SNX29: variants seen among roughly 807,000 people sequenced by gnomAD.
SNX29 encodes the protein sorting nexin-29.
SNX29 carries 78 observed loss-of-function variants against 102.1 expected under a neutral mutation model. The ratio of observed to expected loss-of-function variants is 0.76; its 90% CI spans 0.64 to 0.92. The LOEUF is 0.92. Among genes scored for constraint, SNX29 ranks in the 40% least tolerant of loss-of-function variants. The probability of loss-of-function intolerance (pLI) is 0.00; values close to 1 mark genes in which losing one functional copy is unlikely to be tolerated. For synonymous variants in SNX29, 580 were observed against 414.5 expected, an observed-to-expected ratio of 1.40 and a Z score of -4.85; for missense variants, 1,280 against 1,061.7, an observed-to-expected ratio of 1.21 and a Z score of -2.86.
At chr16:12,002,667 G>A (rs2056328802) in intron 2 of SNX29, among the ~76,000 whole-genome samples, 1 of 152,238 alleles carries the variant, frequency 6.6e-6, no homozygotes. Context: ...TAGACAGTCA[G>A]CTGCCGACAG....
chr16:12,141,510 C>A (rs1277864227), intron 13 of SNX29, among the ~76,000 whole-genome samples: 2 of 152,252 alleles, frequency 1.3e-5, no homozygotes, highest in Non-Finnish European at 2.9e-5. Flanking sequence ...AGAGCAGCGG[C>A]ATGGACCAAC....
chr16:12,048,662 G>A, intron 7 of SNX29, 42 bp downstream of exon 7: 1 of 1,613,892 alleles, frequency 6.2e-7, no homozygotes, highest in Non-Finnish European at 8.5e-7. Context: ...GAGGGAATCA[G>A]AATGTGGCGG....
At chr16:12,567,017 G>C (rs918376159) in intron 20 of SNX29, among the ~76,000 whole-genome samples, 1 of 152,232 alleles carries the variant, frequency 6.6e-6, no homozygotes, top group Non-Finnish European at 1.5e-5. Context: ...GTAGATCATT[G>C]TGAAGAGATT....
chr16:12,029,375 G>A (rs554220704), intron 4 of SNX29, among the ~76,000 whole-genome samples: 2 of 152,242 alleles, frequency 1.3e-5, no homozygotes, highest in South Asian at 4.2e-4. Context: ...TACAGGGAAA[G>A]TGATTAATTT....
chr16:12,500,340 C>G (rs2089054087), intron 19 of SNX29, among the ~76,000 whole-genome samples: 1 of 152,296 alleles, frequency 6.6e-6, no homozygotes, highest in Admixed American at 6.5e-5. Flanking sequence ...ATGGAGCTTG[C>G]CTGCAGACCA....
intron 15 of SNX29, among the ~76,000 whole-genome samples, chr16:12,352,105 T>G (rs1007583192): frequency 6.6e-6 from 1 of 152,150 alleles, no homozygotes; most frequent in Non-Finnish European, 1.5e-5. Context: ...TTGATAGACT[T>G]GGAACCCACC....
chr16:12,034,885 C>T (rs1215727057), intron 4 of SNX29, among the ~76,000 whole-genome samples: 1 of 152,096 alleles, frequency 6.6e-6, no homozygotes, highest in East Asian at 1.9e-4. Flanking sequence ...GTGGTAGGCA[C>T]CTGTAATTCC....
At chr16:12,321,407 C>T (rs1325717374) in intron 15 of SNX29, among the ~76,000 whole-genome samples, 2 of 152,210 alleles carry the variant, frequency 1.3e-5, no homozygotes, top group East Asian at 1.9e-4. Flanking sequence ...CCCCACACTT[C>T]CACCTCTGGA....
At chr16:12,421,190 C>G (rs2084858652) in intron 18 of SNX29, among the ~76,000 whole-genome samples, 1 of 152,188 alleles carries the variant, frequency 6.6e-6, no homozygotes, top group African/African-American at 2.4e-5. Flanking sequence ...GTTGAAAACA[C>G]AGACTGAGAA....
At chr16:12,486,743 G>C (rs1005658232) in intron 19 of SNX29, among the ~76,000 whole-genome samples, 1 of 152,204 alleles carries the variant, frequency 6.6e-6, no homozygotes, top group Non-Finnish European at 1.5e-5. Flanking sequence ...AGAGCAGGGG[G>C]CGGGTGAGGA....
chr16:12,113,118 C>T (rs1003078268), intron 11 of SNX29, among the ~76,000 whole-genome samples: 1 of 152,230 alleles, frequency 6.6e-6, no homozygotes, highest in Admixed American at 6.5e-5. Context: ...CCTCTGCTTC[C>T]CTTCCCTGCT....
chr16:12,419,571 C>CT (rs1436489141), intron 18 of SNX29, among the ~76,000 whole-genome samples: 2 of 151,770 alleles, frequency 1.3e-5, no homozygotes, highest in East Asian at 1.9e-4. Flanking sequence ...AGCCCCCCCC[C>CT]CCATCTTTCT....
intron 9 of SNX29, among the ~76,000 whole-genome samples, chr16:12,062,393 T>TA (rs547181531): frequency 3.9e-4 from 59 of 150,440 alleles, no homozygotes; most frequent in Non-Finnish European, 7.4e-4. Flanking sequence ...AATAAATAAA[T>TA]AAATAAATAA....
At chr16:12,116,667 C>G (rs1178937078) in intron 11 of SNX29, among the ~76,000 whole-genome samples, 2 of 152,152 alleles carry the variant, frequency 1.3e-5, no homozygotes, top group African/African-American at 2.4e-5. Flanking sequence ...GAGTGAGACT[C>G]CTTCTCAAAA....
At chr16:12,122,938 C>T (rs74364606) in intron 11 of SNX29, among the ~76,000 whole-genome samples, 13 of 151,996 alleles carry the variant, frequency 8.6e-5, no homozygotes, top group Non-Finnish European at 1.5e-4. Context: ...GCAATTCTCC[C>T]GCCTCAGCCT....
At chr16:12,220,268 G>T (rs917805326) in intron 14 of SNX29, among the ~76,000 whole-genome samples, 3 of 141,228 alleles carry the variant, frequency 2.1e-5, no homozygotes, top group Admixed American at 1.5e-4. Context: ...TCTGCTTCCA[G>T]TGTAGGCTTA....
intron 12 of SNX29, 32 bp downstream of exon 12, chr16:12,126,728 T>C (rs2054228913): frequency 6.2e-7 from 1 of 1,611,168 alleles, no homozygotes; most frequent in African/African-American, 1.3e-5. Context: ...AGGAATAGCC[T>C]CTTTCTTTGA....
chr16:12,547,517 G>C (rs528241592), intron 20 of SNX29, among the ~76,000 whole-genome samples: 5 of 151,330 alleles, frequency 3.3e-5, no homozygotes, highest in African/African-American at 1.2e-4. Context: ...ATGTGGGTGT[G>C]AGAGAAAGAG....
At chr16:12,163,894 T>G (rs775745357) in intron 13 of SNX29, among the ~76,000 whole-genome samples, 3 of 151,890 alleles carry the variant, frequency 2.0e-5, no homozygotes, top group Non-Finnish European at 4.4e-5. Context: ...GTGTCCAGAT[T>G]TGGACATTCT....
Sources: allele counts gnomAD v4.1 joint callset (sites outside exome capture counted in the v4.1 genomes callset), GRCh38; gene constraint gnomAD v4.1.1; transcripts MANE v1.5; gene names NCBI Gene and HGNC (gene_info 2026-07-23, HGNC 2026-07-21).